The following UBR1 variants were observed in gnomAD, a reference collection of about 807,000 sequenced individuals.
UBR1 encodes E3 ubiquitin-protein ligase UBR1.
In UBR1, 102 loss-of-function variants were observed where a neutral mutation model predicts 242.1. That is an observed-to-expected ratio of 0.42 (90% CI 0.36 to 0.50). The LOEUF is 0.50. Among genes scored for constraint, UBR1 ranks in the 20% least tolerant of loss-of-function variants. The pLI, the probability that UBR1 is intolerant of heterozygous loss-of-function variation, is 0.01. For missense variants in UBR1, 1,772 were observed against 2,101.8 expected (o/e 0.84, Z 3.07); for synonymous variants, 675 against 684.8 (o/e 0.99, Z 0.22).
Position 43,020,419 on chromosome 15 carries a change from G to A in UBR1, c.2940+856C>T, listed in dbSNP as rs976008713. Among the ~76,000 whole-genome samples, 12 of 152,182 alleles carry A rather than the reference G, an allele frequency of 7.9e-5. No homozygotes were observed. The East Asian group carries it at 1.5e-3, about 20-fold the overall frequency. On this transcript the variant is annotated intron_variant, in intron 27 of 46. Transcript: ENST00000290650. ...ATAGATTTTATCTTCATACACCTTC[G>A]ACATGCACCTTAATCAGTTCAGATT...
intron 3 of UBR1, among the ~76,000 whole-genome samples, 193 bp from the exon 4 acceptor site, chr15:43,075,282 A>C (rs763685170): frequency 6.6e-6 from 1 of 152,238 alleles, no homozygotes; most frequent in Non-Finnish European, 1.5e-5. Context: ...CAAAACTTCC[A>C]AATTCTGAAT....
chr15:43,020,690 C>A (rs62020741), intron 27 of UBR1, among the ~76,000 whole-genome samples: 1 of 152,228 alleles, frequency 6.6e-6, no homozygotes, highest in Admixed American at 6.5e-5. Flanking sequence ...CTGGCCACCC[C>A]TCTGATCTCA....
intron 37 of UBR1, among the ~76,000 whole-genome samples, chr15:42,981,646 C>T (rs752404137): frequency 2.6e-5 from 4 of 152,002 alleles, no homozygotes; most frequent in Admixed American, 6.6e-5. Context: ...CCCGCCACCA[C>T]GCCTGGCTAA....
intron 29 of UBR1, among the ~76,000 whole-genome samples, chr15:43,014,193 G>A (rs2032972395): frequency 6.6e-6 from 1 of 152,260 alleles, no homozygotes; most frequent in Non-Finnish European, 1.5e-5. Context: ...GCTCAATGGT[G>A]CCCAGGCTGG....
rs377022407 is a variant in UBR1 at position 42,979,020 on chromosome 15, G to A, written c.4151-1073C>T. On this transcript the variant is annotated intron_variant, in intron 37 of 46. Coordinates refer to ENST00000290650, the MANE Select transcript of UBR1 (RefSeq NM_174916.3). Reference sequence around the variant, plus strand: ...AGCGATTCTCTTGCCTCAGCCTCCCGAGTAGCTGGGACCACAGGCACGTGC... The same window carrying A: ...AGCGATTCTCTTGCCTCAGCCTCCCAAGTAGCTGGGACCACAGGCACGTGC... 2.6e-3 allele frequency among the ~76,000 whole-genome samples: 389 copies of A among 148,450 alleles called. 3 individuals are homozygous for A. Among genetic ancestry groups the A allele is most frequent in the African/African-American group, 8.8e-3 (358 of 40,478 alleles).
intron 32 of UBR1, among the ~76,000 whole-genome samples, chr15:43,000,202 G>A (rs551317455): frequency 4.6e-5 from 7 of 152,012 alleles, no homozygotes; most frequent in South Asian, 2.1e-4. Context: ...TGGGTAAGTC[G>A]AAGTATCTAA....
At chr15:42,993,184 G>T (rs1223750462) in intron 33 of UBR1, among the ~76,000 whole-genome samples, 1 of 152,108 alleles carries the variant, frequency 6.6e-6, no homozygotes, top group African/African-American at 2.4e-5. Flanking sequence ...GTTCTTGAGT[G>T]AAAGTTGGGA....
At chr15:43,053,068 T>C (rs1334476431) in intron 12 of UBR1, among the ~76,000 whole-genome samples, 3 of 152,190 alleles carry the variant, frequency 2.0e-5, no homozygotes, top group African/African-American at 7.2e-5. Flanking sequence ...CTCACAGGAT[T>C]CTCATGAGAG....
chr15:43,074,550 C>T (rs572408168), intron 4 of UBR1, among the ~76,000 whole-genome samples: 1 of 152,152 alleles, frequency 6.6e-6, no homozygotes, highest in Non-Finnish European at 1.5e-5. Context: ...TGCCTCAGTC[C>T]CCCCAAGTAG....
At chr15:42,994,111 T>C (rs1166815645) in intron 33 of UBR1, among the ~76,000 whole-genome samples, 1 of 152,214 alleles carries the variant, frequency 6.6e-6, no homozygotes, top group Non-Finnish European at 1.5e-5. Context: ...TTAAAATTCC[T>C]AATTTGTTAG....
intron 20 of UBR1, among the ~76,000 whole-genome samples, chr15:43,030,503 A>C (rs1303122799): frequency 6.6e-6 from 1 of 152,180 alleles, no homozygotes; most frequent in African/African-American, 2.4e-5. Context: ...TCTACTTGTT[A>C]TTTAACAAAG....
At chr15:43,080,805 G>C (rs1389828916) in intron 3 of UBR1, among the ~76,000 whole-genome samples, 4 of 152,058 alleles carry the variant, frequency 2.6e-5, no homozygotes, top group African/African-American at 9.7e-5. Flanking sequence ...ACAAACATTA[G>C]CTGGGCATGG....
intron 40 of UBR1, 86 bp downstream of exon 40, chr15:42,970,434 T>C: frequency 7.2e-7 from 1 of 1,386,736 alleles, no homozygotes; most frequent in African/African-American, 1.4e-5. Context: ...TAACTGGAAT[T>C]TAAATGATTC....
intron 29 of UBR1, 34 bp downstream of exon 29, chr15:43,015,654 T>C (rs1037842833): frequency 6.3e-7 from 1 of 1,594,298 alleles, no homozygotes; most frequent in African/African-American, 1.3e-5. Flanking sequence ...AAAAAAAAAA[T>C]TGAGTTGGTA....
intron 40 of UBR1, among the ~76,000 whole-genome samples, chr15:42,966,899 A>G (rs549740346): frequency 1.3e-5 from 2 of 152,060 alleles, no homozygotes; most frequent in African/African-American, 4.8e-5. Flanking sequence ...TAAATAAAGT[A>G]TACTCTTTAT....
intron 29 of UBR1, among the ~76,000 whole-genome samples, chr15:43,008,092 T>TA (rs1389989250): frequency 6.6e-6 from 1 of 152,234 alleles, no homozygotes; most frequent in African/African-American, 2.4e-5. Flanking sequence ...ACTCAATCCT[T>TA]ACAATAATCC....
intron 18 of UBR1, 99 bp downstream of exon 18, chr15:43,036,429 G>A (rs2033336100): frequency 2.5e-6 from 3 of 1,185,256 alleles, no homozygotes; most frequent in East Asian, 4.7e-5. Flanking sequence ...AACAGTGAGA[G>A]TATTTTAAGT....
At chr15:42,962,485 G>T (rs2032039265) in intron 42 of UBR1, among the ~76,000 whole-genome samples, 1 of 151,918 alleles carries the variant, frequency 6.6e-6, no homozygotes, top group Non-Finnish European at 1.5e-5. Context: ...CTGAACTGGG[G>T]CCTCTCTTTT....
chr15:43,084,165 A>G (rs1210042919), intron 2 of UBR1, among the ~76,000 whole-genome samples: 2 of 152,182 alleles, frequency 1.3e-5, no homozygotes, highest in Non-Finnish European at 1.5e-5. Context: ...GGATTTTTCA[A>G]CCTTAATACT....
Sources: allele counts gnomAD v4.1 joint callset (sites outside exome capture counted in the v4.1 genomes callset), GRCh38; gene constraint gnomAD v4.1.1; transcripts MANE v1.5; gene names NCBI Gene and HGNC (gene_info 2026-07-23, HGNC 2026-07-21).